HECTD4: variants seen among roughly 807,000 people sequenced by gnomAD.
The protein encoded by HECTD4 is probable E3 ubiquitin-protein ligase HECTD4.
In HECTD4, 114 loss-of-function variants were observed where a neutral mutation model predicts 471.5. The ratio of observed to expected loss-of-function variants is 0.24; its 90% confidence interval spans 0.21 to 0.28. The LOEUF (loss-of-function observed/expected upper bound fraction) is 0.28. HECTD4 is among the 10% of genes least tolerant of loss of function. The pLI, the probability that HECTD4 is intolerant of heterozygous loss-of-function variation, is 1.00. For missense variants in HECTD4, 3,866 were observed against 5,651.5 expected, an observed-to-expected ratio of 0.68 and a Z score of 10.13; for synonymous variants, 2,012 against 2,256.0, an observed-to-expected ratio of 0.89 and a Z score of 3.07.
intron 1 of HECTD4, among the ~76,000 whole-genome samples, chr12:112,365,767 TTTTTG>T (rs1013638458): frequency 8.6e-6 from 1 of 116,778 alleles, no homozygotes; most frequent in Non-Finnish European, 1.7e-5. Flanking sequence ...TTGTGTTTTT[TTTTTG>T]TTTTTTTTTT....
chr12:112,341,039 C>T lies in HECTD4; in HGVS notation c.178-21297G>A, dbSNP rs79290136. 5.3e-3 allele frequency among the ~76,000 whole-genome samples: 801 copies of T among 152,236 alleles called. 4 individuals carry two copies. The highest frequency in any genetic ancestry group is 7.2e-3 in the Non-Finnish European group (489 of 68,008). On this transcript the variant is annotated intron_variant, in intron 1 of 75. Coordinates refer to ENST00000682272, the MANE Select transcript of HECTD4 (RefSeq NM_001388303.1). Reference sequence around the variant, plus strand: ...TAATATTATTTTTAAAAATCTTTTTCGAATTAACTCTAAACTCTTGTCAGT... The same window carrying T: ...TAATATTATTTTTAAAAATCTTTTTTGAATTAACTCTAAACTCTTGTCAGT...
chr12:112,315,738 A>C (rs556800367), intron 2 of HECTD4, among the ~76,000 whole-genome samples: 4 of 152,204 alleles, frequency 2.6e-5, no homozygotes, highest in African/African-American at 9.6e-5. Flanking sequence ...TTTTTAAAAG[A>C]GACAGGGTCT....
intron 37 of HECTD4, 49 bp from the exon 38 acceptor site, chr12:112,233,134 A>G: frequency 1.3e-6 from 2 of 1,505,502 alleles, no homozygotes; most frequent in East Asian, 2.4e-5. Context: ...GGCACTGCCA[A>G]AAGTGGGCTG....
Position 112,243,910 on chromosome 12 carries a change from C to T in HECTD4, c.4613G>A (p.Gly1538Asp), listed in dbSNP as rs1272550828. The stretch of plus-strand genomic sequence containing the variant: ...TCTAGTAAATTCCAAATCTTCATTA[C>T]CAATCATTTCCAGGTCAGAAGGAGC... ...MSAPSDLEMI[G>D]NEDLEFTRAN... Residue 1538 changes from glycine (G) to aspartate (D), a missense_variant, in exon 30 of 76, where the codon GGT (glycine) becomes GAT (aspartate). This residue lies in a region of HECTD4 where 229 missense variants were observed against 386.4 expected (regional missense o/e 0.59). Transcript: ENST00000682272. This position sits in a 1 kb window ranked among gnomAD's most constrained non-coding sequence, Gnocchi z 6.6. 3.1e-6 allele frequency: 5 copies of T among 1,614,036 alleles called. No individual in the cohort carries two copies. The highest frequency in any genetic ancestry group is 4.2e-6 in the Non-Finnish European group (5 of 1,179,904).
intron 59 of HECTD4, 69 bp downstream of exon 59, chr12:112,192,491 G>C (rs1283531977): frequency 8.3e-7 from 1 of 1,202,862 alleles, no homozygotes; most frequent in African/African-American, 1.6e-5. Context: ...ATTCATTATA[G>C]CTTCAAAAAG....
chr12:112,192,484 C>G (rs1448354888), intron 59 of HECTD4, 76 bp downstream of exon 59: 1 of 1,169,832 alleles, frequency 8.5e-7, no homozygotes, highest in African/African-American at 1.6e-5. Context: ...GTACAAAATT[C>G]ATTATAGCTT....
intron 20 of HECTD4, 113 bp from the exon 21 acceptor site, chr12:112,256,631 C>T: frequency 1.8e-6 from 1 of 542,176 alleles, no homozygotes; most frequent in East Asian, 3.4e-5. Flanking sequence ...AACACTGAGG[C>T]TTTTAAATGC....
At chr12:112,204,092 G>C (rs891259013) in intron 53 of HECTD4, among the ~76,000 whole-genome samples, 1 of 152,226 alleles carries the variant, frequency 6.6e-6, no homozygotes, top group African/African-American at 2.4e-5. Context: ...GCCCAGGCTG[G>C]AGTGCAGTGG....
chr12:112,345,931 C>T (rs746365284), intron 1 of HECTD4, among the ~76,000 whole-genome samples: 1 of 152,174 alleles, frequency 6.6e-6, no homozygotes, highest in Non-Finnish European at 1.5e-5. Flanking sequence ...AGAAAGCAAA[C>T]ATGGATCTTT....
At position 112,353,236 on chromosome 12, in the gene HECTD4, T is replaced by A. The variant is rs7980078; in HGVS notation, c.177+28716A>T. Among the ~76,000 whole-genome samples the A allele has an allele frequency of 6.2e-3, 939 of 152,318 alleles. 11 individuals carry two copies. The highest frequency in any genetic ancestry group is 0.021 in the African/African-American group (885 of 41,584). On this transcript the variant is annotated intron_variant, in intron 1 of 75. Transcript: ENST00000682272. ...GCTCTGCGTTCCAAGAATGAGCACA[T>A]GGCTTCATTACAATCAAGGGGCAAC... is the stretch of plus-strand genomic sequence containing the variant.
At chr12:112,349,264 C>T (rs1463410258) in intron 1 of HECTD4, among the ~76,000 whole-genome samples, 2 of 151,608 alleles carry the variant, frequency 1.3e-5, no homozygotes, top group East Asian at 3.9e-4. Flanking sequence ...TAACACATGC[C>T]TATAGTCCCA....
At chr12:112,248,961 T>C (rs1431350707) in intron 25 of HECTD4, among the ~76,000 whole-genome samples, 5 of 152,220 alleles carry the variant, frequency 3.3e-5, no homozygotes, top group Non-Finnish European at 5.9e-5. Flanking sequence ...ACCTCCTTTA[T>C]TACAATAGAG....
chr12:112,263,958 T>C lies in HECTD4; in HGVS notation c.2748+126A>G, dbSNP rs186096961. ...AAAATCTATGGAATGAGTGGCCTAATGTTACCTCTCACAAGAATATAAGCC... is the reference window on the plus strand; with the variant it reads ...AAAATCTATGGAATGAGTGGCCTAACGTTACCTCTCACAAGAATATAAGCC... On this transcript the variant is annotated intron_variant, in intron 17 of 75. Transcript: ENST00000682272. 54 of 851,794 alleles carry C rather than the reference T, an allele frequency of 6.3e-5. 1 individual carries two copies. The South Asian group carries it at 1.3e-3, about 21-fold the overall frequency. The allele number at this position is 851,794 out of a possible 1,614,324, so 52.8% of individuals were successfully genotyped here.
rs778691431 is a variant in HECTD4, at chr12:112,169,681, C to A, written c.12053-23G>T. 10 of 1,611,504 alleles carry A rather than the reference C, an allele frequency of 6.2e-6. No homozygotes were observed. The South Asian group carries it at 1.1e-4, about 18-fold the overall frequency. On this transcript the variant is annotated intron_variant, in intron 69 of 75. Coordinates refer to ENST00000682272, the MANE Select transcript of HECTD4 (RefSeq NM_001388303.1). ...CCCCTGGAAAGTGAGATGAGCTGAT[C>A]AAAGCACCCCGCCGTGGCCGCCCTC... is the stretch of plus-strand genomic sequence containing the variant.
chr12:112,169,925 G>A, intron 69 of HECTD4: 1 of 579,998 alleles, frequency 1.7e-6, no homozygotes, highest in African/African-American at 1.9e-5. Context: ...GCCTCTTGGG[G>A]AGGTCCTCGC....
rs932988002 is a variant in HECTD4 at position 112,240,101 on chromosome 12, G to A, written c.4959-74C>T. 63 of 1,480,184 alleles carry A rather than the reference G, an allele frequency of 4.3e-5. No individual in the cohort carries two copies. The African/African-American group carries it at 8.2e-4, about 19-fold the overall frequency. 91.7% of individuals were successfully genotyped at this position (1,480,184 alleles called of 1,614,324 possible). A position where few individuals can be genotyped will look rare whatever the true frequency, so the allele number is the denominator to read the frequency against. On this transcript the variant is annotated intron_variant, in intron 32 of 75. Coordinates refer to ENST00000682272, the MANE Select transcript of HECTD4 (RefSeq NM_001388303.1). ...AGTGGCTGAGCAGGAGAGGCCTCTT[G>A]AGAAACTCTAGAGTATCTGGATGAA...
chr12:112,177,362 G>C (rs1385791805), intron 64 of HECTD4, among the ~76,000 whole-genome samples: 13 of 151,270 alleles, frequency 8.6e-5, no homozygotes, highest in Admixed American at 8.6e-4. Flanking sequence ...TCCATACATG[G>C]AATGTTATGA....
Position 112,179,124 on chromosome 12 carries a change from C to G in HECTD4, c.11212-42G>C. The G allele has an allele frequency of 6.2e-7, 1 of 1,613,628 alleles. No homozygotes were observed. The highest frequency in any genetic ancestry group is 8.5e-7 in the Non-Finnish European group (1 of 1,179,782). On this transcript the variant is annotated intron_variant, in intron 63 of 75. Coordinates refer to ENST00000682272, the MANE Select transcript of HECTD4 (RefSeq NM_001388303.1). The surrounding 1 kb of genome is among the most constrained non-coding windows in gnomAD (Gnocchi z 4.3). ...CAGCGGGGAGGCTCTCAGGTTCGCC[C>G]TGCAGGGCACCCAAGGCCCGGCCTG...
chr12:112,202,243 T>C (rs987487483), intron 54 of HECTD4, among the ~76,000 whole-genome samples: 1 of 152,130 alleles, frequency 6.6e-6, no homozygotes, highest in Non-Finnish European at 1.5e-5. Context: ...TCTTGCTCTG[T>C]TGCCCAGGTT....
Sources: gnomAD v4.1 joint callset for allele counts (sites outside exome capture counted in the v4.1 genomes callset) on GRCh38, gnomAD v4.1.1 for gene constraint, gnomAD v4.1.1 regional missense constraint, Gnocchi (gnomAD v3.1) non-coding constraint, MANE v1.5 for transcripts, NCBI Gene and HGNC (gene_info 2026-07-23, HGNC 2026-07-21) for gene names.